The following KCMF1 variants were observed in gnomAD, a reference collection of about 807,000 sequenced individuals.
KCMF1 encodes potassium channel modulatory factor 1.
In KCMF1, 3 loss-of-function variants were observed where a neutral mutation model predicts 41.1. That is an observed-to-expected ratio of 0.07 (90% confidence interval 0.03 to 0.19). KCMF1 has a LOEUF of 0.19. Among genes scored for constraint, KCMF1 ranks in the 10% least tolerant of loss-of-function variants. The probability of loss-of-function intolerance (pLI) is 1.00; values close to 1 mark genes in which losing one functional copy is unlikely to be tolerated. For synonymous variants in KCMF1, 142 were observed against 164.5 expected (o/e 0.86, Z 1.04); for missense variants, 286 against 488.9 (o/e 0.58, Z 3.91).
chr2:84,980,451 G>A (rs1673702403), intron 1 of KCMF1, among the ~76,000 whole-genome samples: 1 of 152,180 alleles, frequency 6.6e-6, no homozygotes, highest in South Asian at 2.1e-4. Flanking sequence ...AAATGAACAA[G>A]AGATGAATGA....
intron 5 of KCMF1, among the ~76,000 whole-genome samples, chr2:85,047,596 TA>T (rs202167081): frequency 0.12 from 15,242 of 131,894 alleles, 913 homozygotes; most frequent in East Asian, 0.29. Context: ...GGAAAAATCT[TA>T]AAAAAAAAAA....
Position 85,031,324 on chromosome 2 carries a change from G to GT in KCMF1, c.184+3270dup, listed in dbSNP as rs1228630911. ...TAATTTCTTTTGACAAACTTTTGTA[G>GT]TTATCACAGTATGAGTTTTGCACTT... On this transcript the variant is annotated intron_variant, in intron 2 of 6. Coordinates refer to ENST00000409785, the MANE Select transcript of KCMF1 (RefSeq NM_020122.5). 3.3e-5 allele frequency among the ~76,000 whole-genome samples: 5 copies of GT among 152,150 alleles called. No individual in the cohort carries two copies. In the East Asian group the frequency reaches 9.6e-4, roughly 29 times the overall value.
At position 84,971,352 on chromosome 2, in the gene KCMF1, GAGTGGGAGTC is replaced by G; in HGVS notation, c.-99_-90del. On this transcript the variant is annotated 5_prime_UTR_variant, in exon 1 of 7. Coordinates refer to ENST00000409785, the MANE Select transcript of KCMF1 (RefSeq NM_020122.5). Reference sequence around the variant, plus strand: ...GCCCCCGCGGCCGAGCCCGGGAGTCGAGTGGGAGTCGGCCGGCCGGCGCGGGCAGCGCCGG... The same window carrying G: ...GCCCCCGCGGCCGAGCCCGGGAGTCGGGCCGGCCGGCGCGGGCAGCGCCGG... The G allele has an allele frequency of 1.4e-6, 1 of 702,752 alleles. No homozygotes were observed. Among genetic ancestry groups the G allele is most frequent in the Non-Finnish European group, 1.8e-6 (1 of 560,586 alleles). The allele number at this position is 702,752 out of a possible 1,614,324, so 43.5% of individuals were successfully genotyped here.
Position 85,053,330 on chromosome 2 carries a change from T to C in KCMF1, c.1067T>C (p.Met356Thr), listed in dbSNP as rs199545320. 1.9e-6 allele frequency: 3 copies of C among 1,613,790 alleles called. No homozygotes were observed. Among genetic ancestry groups the C allele is most frequent in the Admixed American group, 3.3e-5 (2 of 60,012 alleles). ...DFGAMGCVDI[M>T]PLDVALENLN... Reference sequence around the variant, plus strand: ...GGTGCTATGGGCTGTGTAGATATTATGCCTTTAGATGTTGCTTTAGAAAAC... The same window carrying C: ...GGTGCTATGGGCTGTGTAGATATTACGCCTTTAGATGTTGCTTTAGAAAAC... The change falls in exon 7 of 7, where the codon ATG becomes ACG. Residue 356 changes from methionine to threonine, a missense_variant. Met to Thr is a moderately conservative substitution (Grantham distance 81). Transcript: ENST00000409785.
At chr2:84,992,203 A>C (rs1267984017) in intron 1 of KCMF1, among the ~76,000 whole-genome samples, 4 of 152,186 alleles carry the variant, frequency 2.6e-5, no homozygotes, top group African/African-American at 7.2e-5. Flanking sequence ...AGATGGTTTT[A>C]TATATAAAAT....
chr2:85,008,291 T>TATATATCATATATAATATGATATATA (rs1553379311), intron 1 of KCMF1, among the ~76,000 whole-genome samples: 3 of 14,624 alleles, frequency 2.1e-4, no homozygotes, highest in African/African-American at 4.6e-4. Context: ...TGATATATAA[T>TATATATCATATATAATATGATATATA]ATATATAATA....
chr2:85,036,026 G>T lies in KCMF1; in HGVS notation c.324+871G>T, dbSNP rs143702206. On this transcript the variant is annotated intron_variant, in intron 3 of 6. Coordinates refer to ENST00000409785, the MANE Select transcript of KCMF1 (RefSeq NM_020122.5). ...AGCTTAGTAAGGGGCAGGGGTAGGG[G>T]CAGGTGTTTGGACTCAGCTAGAGTC... Among the ~76,000 whole-genome samples the T allele has an allele frequency of 2.5e-3, 380 of 152,314 alleles. 3 individuals carry two copies. The highest frequency in any genetic ancestry group is 8.9e-3 in the African/African-American group (369 of 41,578).
Position 84,976,636 on chromosome 2 carries a change from A to C in KCMF1, c.16+5169A>C, listed in dbSNP as rs142438100. On this transcript the variant is annotated intron_variant, in intron 1 of 6. Transcript: ENST00000409785. ...GAGAGACCCTATTTCTTTAAAAAAA[A>C]AAAAACAAAAAAAAACAAATTGAGA... is the stretch of plus-strand genomic sequence containing the variant. Among the ~76,000 whole-genome samples, 951 of 143,316 alleles carry C rather than the reference A, an allele frequency of 6.6e-3. 7 individuals carry two copies. Among genetic ancestry groups the C allele is most frequent in the African/African-American group, 0.027 (896 of 33,286 alleles). The allele number at this position is 143,316 out of a possible 152,430, so 94.0% of individuals were successfully genotyped here.
chr2:84,978,634 T>C (rs1673617108), intron 1 of KCMF1, among the ~76,000 whole-genome samples: 1 of 151,380 alleles, frequency 6.6e-6, no homozygotes, highest in African/African-American at 2.4e-5. Flanking sequence ...GTGGCCTCTG[T>C]CTCCCAGGTT....
intron 1 of KCMF1, among the ~76,000 whole-genome samples, chr2:85,001,693 T>A (rs1454081583): frequency 1.3e-5 from 2 of 152,184 alleles, no homozygotes; most frequent in Non-Finnish European, 1.5e-5. Context: ...GTGTGGGTGA[T>A]ACCTCCCAGT....
intron 3 of KCMF1, among the ~76,000 whole-genome samples, chr2:85,041,524 G>GT (rs199980506): frequency 0.015 from 2,323 of 152,246 alleles, 62 homozygotes; most frequent in African/African-American, 0.052. Context: ...GACAGCTCAA[G>GT]TTGTTTATAG....
intron 2 of KCMF1, among the ~76,000 whole-genome samples, chr2:85,029,243 C>T (rs997278202): frequency 1.2e-4 from 18 of 151,976 alleles, no homozygotes; most frequent in African/African-American, 3.9e-4. Context: ...GGATTACAGA[C>T]GTGAGCCACC....
intron 1 of KCMF1, among the ~76,000 whole-genome samples, chr2:85,000,524 T>G (rs1278581428): frequency 6.6e-6 from 1 of 152,202 alleles, no homozygotes; most frequent in East Asian, 1.9e-4. Context: ...CTTCAGTCTC[T>G]ATTTCATATT....
At chr2:84,985,262 T>C (rs377259023) in intron 1 of KCMF1, among the ~76,000 whole-genome samples, 22 of 152,286 alleles carry the variant, frequency 1.4e-4, no homozygotes, top group African/African-American at 5.3e-4. Flanking sequence ...TGTTGAGGAC[T>C]GTTGAACTGT....
chr2:85,051,486 A>G (rs1675807438), intron 6 of KCMF1, among the ~76,000 whole-genome samples: 1 of 150,318 alleles, frequency 6.7e-6, no homozygotes, highest in Non-Finnish European at 1.5e-5. Flanking sequence ...TTTTCTGTGC[A>G]TTTATTCCAC....
intron 1 of KCMF1, among the ~76,000 whole-genome samples, chr2:84,989,968 G>C (rs1036824377): frequency 6.6e-6 from 1 of 152,212 alleles, no homozygotes; most frequent in Non-Finnish European, 1.5e-5. Context: ...AGCATTGGAG[G>C]AGCAGGAAAC....
intron 1 of KCMF1, among the ~76,000 whole-genome samples, chr2:84,974,954 G>A (rs942675360): frequency 5.3e-5 from 8 of 151,658 alleles, no homozygotes; most frequent in African/African-American, 1.9e-4. Flanking sequence ...TGATCCGCCG[G>A]CCTCGGCCTC....
chr2:84,992,266 C>A (rs915807795), intron 1 of KCMF1, among the ~76,000 whole-genome samples: 1 of 152,044 alleles, frequency 6.6e-6, no homozygotes, highest in African/African-American at 2.4e-5. Context: ...AGCTCTTTTT[C>A]TTTTTTTGAG....
intron 1 of KCMF1, among the ~76,000 whole-genome samples, chr2:84,981,140 G>A (rs1339139934): frequency 6.6e-6 from 1 of 151,282 alleles, no homozygotes; most frequent in Non-Finnish European, 1.5e-5. Flanking sequence ...ATAAGTGGAT[G>A]AAGCATCTTG....
Sources: allele counts gnomAD v4.1 joint callset (sites outside exome capture counted in the v4.1 genomes callset), GRCh38; gene constraint gnomAD v4.1.1; transcripts MANE v1.5; gene names NCBI Gene and HGNC (gene_info 2026-07-23, HGNC 2026-07-21).